Variants in GRID1 observed in about 807,000 individuals in gnomAD.
GRID1 encodes glutamate ionotropic receptor delta type subunit 1.
GRID1 carries 28 observed loss-of-function variants against 98.0 expected under a neutral mutation model. The observed-to-expected ratio is 0.29, with a 90% confidence interval of 0.21 to 0.39. The LOEUF (loss-of-function observed/expected upper bound fraction) is 0.39. Ranked by LOEUF, GRID1 falls within the 10% of genes least tolerant of loss-of-function variation. GRID1 has a pLI of 1.00. For synonymous variants in GRID1, 553 were observed against 538.5 expected (o/e 1.03, Z -0.37); for missense variants, 1,111 against 1,340.5 (o/e 0.83, Z 2.67).
chr10:85,851,047 T>C (rs1843053694), intron 8 of GRID1, among the ~76,000 whole-genome samples: 1 of 152,124 alleles, frequency 6.6e-6, no homozygotes. Flanking sequence ...CAGAGCTCAA[T>C]CATGAGCTAA....
chr10:86,139,607 C>T (rs1359766049), intron 3 of GRID1, among the ~76,000 whole-genome samples: 1 of 152,180 alleles, frequency 6.6e-6, no homozygotes, highest in Non-Finnish European at 1.5e-5. Context: ...CTTTAGGGAC[C>T]TGATTTTCCT....
At chr10:85,867,586 C>T (rs1429011363) in intron 6 of GRID1, among the ~76,000 whole-genome samples, 1 of 152,252 alleles carries the variant, frequency 6.6e-6, no homozygotes, top group Non-Finnish European at 1.5e-5. Flanking sequence ...ACTTGGCCTT[C>T]GCCATTTCTT....
At chr10:85,688,499 C>T (rs1841293970) in intron 12 of GRID1, among the ~76,000 whole-genome samples, 3 of 152,146 alleles carry the variant, frequency 2.0e-5, no homozygotes, top group African/African-American at 7.2e-5. Flanking sequence ...CAGGCACGGG[C>T]CATCACACAT....
At chr10:86,110,101 T>C (rs1259480269) in intron 4 of GRID1, among the ~76,000 whole-genome samples, 1 of 151,614 alleles carries the variant, frequency 6.6e-6, no homozygotes, top group African/African-American at 2.4e-5. Context: ...GCTTCCTGAG[T>C]AGCTGGGATT....
chr10:86,341,267 A>C (rs1295421534), intron 2 of GRID1, among the ~76,000 whole-genome samples: 1 of 152,076 alleles, frequency 6.6e-6, no homozygotes, highest in African/African-American at 2.4e-5. Context: ...GTGCTTCTAG[A>C]GATAGCAAGA....
intron 2 of GRID1, among the ~76,000 whole-genome samples, chr10:86,254,951 C>G (rs1289556991): frequency 6.6e-6 from 1 of 152,198 alleles, no homozygotes; most frequent in Non-Finnish European, 1.5e-5. Context: ...AAGGACCAGC[C>G]CCTGGAGAAA....
At chr10:86,022,054 G>T (rs1164947410) in intron 4 of GRID1, among the ~76,000 whole-genome samples, 1 of 152,160 alleles carries the variant, frequency 6.6e-6, no homozygotes, top group Non-Finnish European at 1.5e-5. Flanking sequence ...AGCCCAATAT[G>T]TCTAAAATAT....
At position 86,138,784 on chromosome 10, in the gene GRID1, CCAGGCCCCTGAGGCCT is replaced by C. The variant is rs751052729; in HGVS notation, c.726+19_726+34del. 4.7e-5 allele frequency: 73 copies of C among 1,551,842 alleles called. No homozygotes were observed. In the East Asian group the frequency reaches 1.5e-3, roughly 32 times the overall value. ...ACCATCTTCTGCAGAGCCCTGGGCA[CCAGGCCCCTGAGGCCT>C]CAGGCCCCCATGACCTACCTCGTTG... On this transcript the variant is annotated intron_variant, in intron 4 of 15. Transcript: ENST00000327946.
chr10:85,903,832 C>G (rs1277347470), intron 5 of GRID1, among the ~76,000 whole-genome samples: 1 of 152,200 alleles, frequency 6.6e-6, no homozygotes, highest in African/African-American at 2.4e-5. Flanking sequence ...CTGGAATGCT[C>G]TTCCTCCAGA....
chr10:86,313,882 T>C (rs533854983), intron 2 of GRID1, among the ~76,000 whole-genome samples: 22 of 152,276 alleles, frequency 1.4e-4, no homozygotes, highest in African/African-American at 5.3e-4. Context: ...CCAAACTCCA[T>C]GCTATTACAA....
chr10:86,161,599 C>A (rs1845324534), intron 3 of GRID1, among the ~76,000 whole-genome samples: 1 of 152,166 alleles, frequency 6.6e-6, no homozygotes, highest in Non-Finnish European at 1.5e-5. Context: ...TCTCTGTAGG[C>A]CATGAGTGCT....
intron 4 of GRID1, among the ~76,000 whole-genome samples, chr10:86,003,539 C>T (rs1240823360): frequency 6.6e-6 from 1 of 152,214 alleles, no homozygotes; most frequent in Non-Finnish European, 1.5e-5. Flanking sequence ...CCAAGGCCAC[C>T]AGCAGCCAGC....
At chr10:85,982,804 C>T (rs1237785610) in intron 4 of GRID1, among the ~76,000 whole-genome samples, 2 of 152,290 alleles carry the variant, frequency 1.3e-5, no homozygotes, top group Admixed American at 1.3e-4. Context: ...TTGGGAAGAA[C>T]TTTTTCCCTA....
At chr10:86,072,719 C>T (rs1165297971) in intron 4 of GRID1, among the ~76,000 whole-genome samples, 1 of 152,142 alleles carries the variant, frequency 6.6e-6, no homozygotes, top group East Asian at 1.9e-4. Context: ...ATCCACCTAC[C>T]CCACCCCTTT....
intron 8 of GRID1, among the ~76,000 whole-genome samples, chr10:85,779,282 T>A (rs538735227): frequency 4.6e-5 from 7 of 152,192 alleles, no homozygotes; most frequent in African/African-American, 1.4e-4. Flanking sequence ...GGAACAAGAC[T>A]CAATTTTTGT....
intron 12 of GRID1, among the ~76,000 whole-genome samples, chr10:85,685,432 A>G (rs1841258018): frequency 6.6e-6 from 1 of 152,180 alleles, no homozygotes; most frequent in Non-Finnish European, 1.5e-5. Flanking sequence ...TAAATAGACT[A>G]CCAATTACAT....
At chr10:86,082,105 T>C (rs1030343472) in intron 4 of GRID1, among the ~76,000 whole-genome samples, 1 of 152,248 alleles carries the variant, frequency 6.6e-6, no homozygotes, top group African/African-American at 2.4e-5. Flanking sequence ...GGCAGTTACA[T>C]GGATCTCACT....
At chr10:85,839,583 A>G (rs1842944019) in intron 8 of GRID1, among the ~76,000 whole-genome samples, 1 of 152,208 alleles carries the variant, frequency 6.6e-6, no homozygotes, top group Admixed American at 6.5e-5. Flanking sequence ...AATAAAACAA[A>G]GACACAATGT....
intron 4 of GRID1, among the ~76,000 whole-genome samples, chr10:85,952,501 G>C (rs1222126784): frequency 6.6e-6 from 1 of 152,144 alleles, no homozygotes; most frequent in East Asian, 1.9e-4. Context: ...GATATCAATT[G>C]CAATATTACT....
Sources: allele counts gnomAD v4.1 joint callset (sites outside exome capture counted in the v4.1 genomes callset), GRCh38; gene constraint gnomAD v4.1.1; transcripts MANE v1.5; gene names NCBI Gene and HGNC (gene_info 2026-07-23, HGNC 2026-07-21).